The following ATP11B variants were observed in gnomAD, a reference collection of about 807,000 sequenced individuals.
The protein encoded by ATP11B is ATPase phospholipid transporting 11B (putative).
In ATP11B, 81 loss-of-function variants were observed where a neutral mutation model predicts 157.8. The observed-to-expected ratio is 0.51, with a 90% confidence interval of 0.43 to 0.62. The LOEUF (loss-of-function observed/expected upper bound fraction) is 0.62. Among genes scored for constraint, ATP11B ranks in the 20% least tolerant of loss-of-function variants. ATP11B has a pLI of 0.00. For missense variants in ATP11B, 1,165 were observed against 1,402.2 expected, an observed-to-expected ratio of 0.83 and a Z score of 2.70; for synonymous variants, 451 against 469.4, an observed-to-expected ratio of 0.96 and a Z score of 0.51.
intron 7 of ATP11B, 115 bp from the exon 8 acceptor site, chr3:182,841,960 C>A (rs1719063836): frequency 5.1e-6 from 3 of 584,766 alleles, no homozygotes; most frequent in African/African-American, 2.5e-5. Context: ...GCCTAGGCGA[C>A]AGAGCAAGAC....
At position 182,898,721 on chromosome 3, in the gene ATP11B, AAAG is replaced by A. The variant is rs775602251; in HGVS notation, c.3271_3273del (p.Lys1091del). The A allele has an allele frequency of 6.3e-7, 1 of 1,596,466 alleles. No homozygotes were observed. On this transcript the variant is annotated inframe_deletion, in exon 28 of 30. Coordinates refer to ENST00000323116, the MANE Select transcript of ATP11B (RefSeq NM_014616.3). ...TTACATGTCTATTTCTTGATATCAT[AAAG>A]AAGGTCTTTGACCGACACCTCCACC...
chr3:182,817,567 C>A (rs1717044703), intron 1 of ATP11B, among the ~76,000 whole-genome samples: 1 of 152,196 alleles, frequency 6.6e-6, no homozygotes, highest in African/African-American at 2.4e-5. Flanking sequence ...CCATGAGCCA[C>A]CGCCCCCAGC....
intron 7 of ATP11B, among the ~76,000 whole-genome samples, chr3:182,841,838 G>A (rs901962419): frequency 2.6e-5 from 4 of 151,590 alleles, no homozygotes; most frequent in Non-Finnish European, 5.9e-5. Context: ...AATTAGCCAG[G>A]TGTGGTGGCG....
At chr3:182,862,713 C>T (rs1720936523) in intron 12 of ATP11B, among the ~76,000 whole-genome samples, 1 of 152,070 alleles carries the variant, frequency 6.6e-6, no homozygotes, top group African/African-American at 2.4e-5. Context: ...ATTCTAAGTT[C>T]TGGTACATCA....
chr3:182,848,508 A>T lies in ATP11B; in HGVS notation c.802A>T (p.Met268Leu). The T allele has an allele frequency of 6.3e-7, 1 of 1,582,156 alleles. No homozygotes were observed. Among genetic ancestry groups the T allele is most frequent in the Non-Finnish European group, 8.6e-7 (1 of 1,163,954 alleles). ...GGTATACACTGGAATGGAAACTAAGATGGCATTAAATTACAAGAGCAAATC... is the reference window on the plus strand; with the variant it reads ...GGTATACACTGGAATGGAAACTAAGTTGGCATTAAATTACAAGAGCAAATC... ...VAVYTGMETK[M>L]ALNYKSKSQK... Residue 268 changes from methionine (M) to leucine (L), a missense_variant, in exon 10 of 30, where the codon ATG (methionine) becomes TTG (leucine). Around this residue, in one of 4 missense-constraint regions of ATP11B, gnomAD observed 737 missense variants for 930.5 expected, o/e 0.79. Coordinates refer to ENST00000323116, the MANE Select transcript of ATP11B (RefSeq NM_014616.3).
At chr3:182,801,908 T>G (rs1004802874) in intron 1 of ATP11B, among the ~76,000 whole-genome samples, 12 of 152,218 alleles carry the variant, frequency 7.9e-5, no homozygotes, top group African/African-American at 2.9e-4. Context: ...TCTGTCAAAT[T>G]CTAAGCAGGA....
Position 182,873,838 on chromosome 3 carries a change from T to C in ATP11B, c.2075T>C (p.Ile692Thr). The change falls in exon 19 of 30, where the codon ATT (isoleucine) becomes ACT (threonine). Residue 692 changes from isoleucine (I) to threonine (T), a missense_variant. Ile to Thr is a moderately conservative substitution (Grantham distance 89, BLOSUM62 -1). This residue lies in a region of ATP11B where 737 missense variants were observed against 930.5 expected (regional missense o/e 0.79). Transcript: ENST00000323116. ...DRLQDKVRETIEALRMAGIKV... is the reference protein window; with the variant it reads ...DRLQDKVRETTEALRMAGIKV... ...CTACAAGATAAAGTTCGAGAAACTATTGAAGCATTGAGAATGGCTGGTATC... is the reference window on the plus strand; with the variant it reads ...CTACAAGATAAAGTTCGAGAAACTACTGAAGCATTGAGAATGGCTGGTATC... 1 of 1,614,130 alleles carries C rather than the reference T, an allele frequency of 6.2e-7. No individual in the cohort carries two copies. Among genetic ancestry groups the C allele is most frequent in the Non-Finnish European group, 8.5e-7 (1 of 1,179,988 alleles).
rs571937778 is a variant in ATP11B at position 182,857,758 on chromosome 3, A to G, written c.852-120A>G. ...GAAAACAAAAGCTGTGTATTTTAAA[A>G]TAGTTACAGTAATACCCTCTATGTT... On this transcript the variant is annotated intron_variant, in intron 10 of 29. Transcript: ENST00000323116. 6.9e-4 allele frequency: 374 copies of G among 542,590 alleles called. 1 individual carries two copies. Among genetic ancestry groups the G allele is most frequent in the Non-Finnish European group, 9.4e-4 (297 of 315,934 alleles). The allele number at this position is 542,590 out of a possible 1,614,324, so 33.6% of individuals were successfully genotyped here.
intron 9 of ATP11B, 93 bp from the exon 10 acceptor site, chr3:182,848,383 T>C: frequency 1.4e-6 from 1 of 692,112 alleles, no homozygotes; most frequent in Non-Finnish European, 2.2e-6. Context: ...TGTCAGACAG[T>C]ACACTAAAAG....
At chr3:182,834,258 T>G (rs1175452483) in intron 4 of ATP11B, among the ~76,000 whole-genome samples, 1 of 152,168 alleles carries the variant, frequency 6.6e-6, no homozygotes, top group Non-Finnish European at 1.5e-5. Context: ...GTCTTAAGAG[T>G]GCTTTCCCAC....
intron 1 of ATP11B, among the ~76,000 whole-genome samples, chr3:182,799,546 A>G (rs1000679221): frequency 2.0e-5 from 3 of 152,142 alleles, no homozygotes. Flanking sequence ...AAGTGCTGGG[A>G]TTACAGGCGT....
At chr3:182,906,985 C>T (rs1446110197) in intron 28 of ATP11B, among the ~76,000 whole-genome samples, 2 of 150,960 alleles carry the variant, frequency 1.3e-5, no homozygotes, top group Non-Finnish European at 3.0e-5. Context: ...CCCAGCTACT[C>T]GGGAGGCTGA....
At position 182,849,884 on chromosome 3, in the gene ATP11B, A is replaced by G. The variant is rs141876747; in HGVS notation, c.851+1327A>G. On this transcript the variant is annotated intron_variant, in intron 10 of 29. Coordinates refer to ENST00000323116, the MANE Select transcript of ATP11B (RefSeq NM_014616.3). ...AAATTTGAGGAAGAAACTTCAGCCT[A>G]CGCTACCAAGATCAGCAAACTCTAA... Among the ~76,000 whole-genome samples the G allele has an allele frequency of 2.9e-3, 441 of 152,308 alleles. 4 individuals carry two copies. The highest frequency in any genetic ancestry group is 0.01 in the Middle Eastern group (3 of 294).
At position 182,820,359 on chromosome 3, in the gene ATP11B, A is replaced by G; in HGVS notation, c.127A>G (p.Arg43Gly). The change falls in exon 2 of 30, where the codon AGG (arginine) becomes GGG (glycine). Residue 43 changes from arginine to glycine, a missense_variant. By Grantham distance (125) the Arg-to-Gly change is moderately radical. Around this residue, in one of 4 missense-constraint regions of ATP11B, gnomAD observed 91 missense variants for 95.8 expected, o/e 0.95. Transcript: ENST00000323116. ...CACACCTCAGAAATTTATAGATAACAGGATCATTTCATCTAAGGTAAGAAT... is the reference window on the plus strand; with the variant it reads ...CACACCTCAGAAATTTATAGATAACGGGATCATTTCATCTAAGGTAAGAAT... Reference protein sequence around the residue: ...LYTPQKFIDNRIISSKYTVWN... With the variant: ...LYTPQKFIDNGIISSKYTVWN... 1.2e-6 allele frequency: 2 copies of G among 1,605,344 alleles called. No individual in the cohort carries two copies. Among genetic ancestry groups the G allele is most frequent in the Non-Finnish European group, 1.7e-6 (2 of 1,171,972 alleles).
intron 1 of ATP11B, among the ~76,000 whole-genome samples, chr3:182,799,863 C>T (rs144310874): frequency 1.3e-5 from 2 of 152,158 alleles, no homozygotes; most frequent in African/African-American, 2.4e-5. Context: ...CCTGTAACCT[C>T]GGCACTTTGG....
chr3:182,826,865 A>G lies in ATP11B; in HGVS notation c.145-1255A>G, dbSNP rs1218719542. Among the ~76,000 whole-genome samples the G allele has an allele frequency of 2.6e-5, 4 of 152,130 alleles. No homozygotes were observed. In the East Asian group the frequency reaches 7.7e-4, roughly 29 times the overall value. On this transcript the variant is annotated intron_variant, in intron 2 of 29. Transcript: ENST00000323116. ...CTAATTAAGAAGTGAACTTTTGACA[A>G]TGAAAATCCAAAAATTAGAGCCATC...
At chr3:182,811,408 C>G (rs1406056800) in intron 1 of ATP11B, among the ~76,000 whole-genome samples, 1 of 152,158 alleles carries the variant, frequency 6.6e-6, no homozygotes, top group Non-Finnish European at 1.5e-5. Context: ...TGGCAAGGCT[C>G]TGCAATCCAT....
intron 28 of ATP11B, among the ~76,000 whole-genome samples, chr3:182,899,209 G>A (rs536213138): frequency 5.5e-5 from 8 of 144,396 alleles, no homozygotes; most frequent in Non-Finnish European, 1.2e-4. Context: ...AGGCTGGAGT[G>A]TAGTGGCACG....
At chr3:182,917,557 G>C (rs1876755) in intron 29 of ATP11B, 1 of 984,894 alleles carries the variant, frequency 1.0e-6, no homozygotes, top group African/African-American at 1.7e-5. Flanking sequence ...CTAATTATGC[G>C]GAAGTCTTTA....
Sources: gnomAD v4.1 joint callset for allele counts (sites outside exome capture counted in the v4.1 genomes callset) on GRCh38, gnomAD v4.1.1 for gene constraint, gnomAD v4.1.1 regional missense constraint, MANE v1.5 for transcripts, NCBI Gene and HGNC (gene_info 2026-07-23, HGNC 2026-07-21) for gene names.